The following DEPDC5 variants were observed in gnomAD, a reference collection of about 807,000 sequenced individuals.
DEPDC5 encodes the protein GATOR1 complex protein DEPDC5.
In DEPDC5, 73 loss-of-function variants were observed where a neutral mutation model predicts 217.3. The observed-to-expected ratio is 0.34, with a 90% confidence interval of 0.28 to 0.41. The LOEUF (loss-of-function observed/expected upper bound fraction) is 0.41, where lower values mean the gene tolerates loss of function less well. Ranked by LOEUF, DEPDC5 falls within the 10% of genes least tolerant of loss-of-function variation. The pLI is 1.00. For synonymous variants in DEPDC5, 733 were observed against 756.7 expected, an observed-to-expected ratio of 0.97 and a Z score of 0.51; for missense variants, 1,675 against 2,070.1, an observed-to-expected ratio of 0.81 and a Z score of 3.70.
At chr22:31,863,942 TATATC>T (rs1179546205) in intron 33 of DEPDC5, among the ~76,000 whole-genome samples, 1 of 151,680 alleles carries the variant, frequency 6.6e-6, no homozygotes, top group Non-Finnish European at 1.5e-5. Flanking sequence ...AAAAAAAAAT[TATATC>T]AGAAGTAGTA....
rs532888204 is a variant in DEPDC5 at position 31,877,166 on chromosome 22, C to T, written c.3805+901C>T. Among the ~76,000 whole-genome samples the T allele has an allele frequency of 8.1e-4, 123 of 151,400 alleles. 1 individual carries two copies. Among genetic ancestry groups the T allele is most frequent in the Non-Finnish European group, 2.5e-4 (17 of 67,864 alleles). ...AAAAACAACAGCCGGCTGGGCACTG[C>T]GGCTCACGCCTATAATCCTAGCACT... On this transcript the variant is annotated intron_variant, in intron 37 of 42. Transcript: ENST00000651528.
At chr22:31,783,749 A>G (rs150240681) in intron 8 of DEPDC5, among the ~76,000 whole-genome samples, 158 bp from the exon 9 acceptor site, 240 of 152,360 alleles carry the variant, frequency 1.6e-3, no homozygotes, top group African/African-American at 5.0e-3. Context: ...TAAAAAGCCT[A>G]TCATAAAATT....
rs189008501 is a variant in DEPDC5 at position 31,756,255 on chromosome 22, G to A, written c.58+1276G>A. On this transcript the variant is annotated intron_variant, in intron 2 of 42. Transcript: ENST00000651528. ...GTAGGTATAAGCCTCCAGAGGGGAAGGACTGCCAAAAAGGGAAAACAATAG... is the reference window on the plus strand; with the variant it reads ...GTAGGTATAAGCCTCCAGAGGGGAAAGACTGCCAAAAAGGGAAAACAATAG... 4.3e-3 allele frequency among the ~76,000 whole-genome samples: 653 copies of A among 152,094 alleles called. 1 individual carries two copies. The highest frequency in any genetic ancestry group is 0.013 in the African/African-American group (548 of 41,492).
chr22:31,886,628 C>T (rs1276536762), intron 38 of DEPDC5, among the ~76,000 whole-genome samples: 1 of 149,792 alleles, frequency 6.7e-6, no homozygotes, highest in Non-Finnish European at 1.5e-5. Context: ...GGTGTGGTGG[C>T]ATGCACCTGT....
chr22:31,792,138 G>C (rs1382380726), intron 11 of DEPDC5, 36 bp downstream of exon 11: 1 of 1,505,466 alleles, frequency 6.6e-7, no homozygotes, highest in Non-Finnish European at 9.2e-7. Context: ...TTATGTTTTT[G>C]TTAAGCTTCC....
intron 7 of DEPDC5, among the ~76,000 whole-genome samples, chr22:31,770,396 T>C (rs922369427): frequency 1.3e-5 from 2 of 151,888 alleles, no homozygotes; most frequent in South Asian, 4.2e-4. Context: ...TTTTTTTTTT[T>C]CTGAGACAGA....
chr22:31,810,757 C>T lies in DEPDC5; in HGVS notation c.1445+116C>T, dbSNP rs534198790. ...AATCTTGTTTTGTTTTGTTTTGTTT[C>T]GTTTTGGTTTTTTGTTTGTTTTGTT... On this transcript the variant is annotated intron_variant, in intron 20 of 42. Transcript: ENST00000651528. The T allele has an allele frequency of 3.9e-4, 589 of 1,506,796 alleles. 3 individuals carry two copies. Among genetic ancestry groups the T allele is most frequent in the Middle Eastern group, 5.5e-4 (3 of 5,462 alleles). The allele number at this position is 1,506,796 out of a possible 1,614,324, so 93.3% of individuals were successfully genotyped here.
chr22:31,901,763 G>T lies in DEPDC5; in HGVS notation c.4397G>T (p.Trp1466Leu). ...TCAGGCTTTGAACCCGAAACGTACT[G>T]GGATCGAATGCACCTCTTCCAGGAA... is the stretch of plus-strand genomic sequence containing the variant. ...LFDSFEPETYWDRMHLFQEAI... is the reference protein window; with the variant it reads ...LFDSFEPETYLDRMHLFQEAI... Residue 1466 changes from tryptophan to leucine, a missense_variant, in exon 41 of 43, where the codon TGG (tryptophan) becomes TTG (leucine). By Grantham distance (61) the Trp-to-Leu change is moderately conservative. This residue lies in a region of DEPDC5 where 182 missense variants were observed against 290.1 expected (regional missense o/e 0.63). Transcript: ENST00000651528. The T allele has an allele frequency of 6.2e-7, 1 of 1,613,442 alleles. No individual in the cohort carries two copies. The highest frequency in any genetic ancestry group is 1.1e-5 in the South Asian group (1 of 90,900).
intron 27 of DEPDC5, among the ~76,000 whole-genome samples, chr22:31,840,340 T>G (rs967118327): frequency 6.6e-5 from 10 of 152,282 alleles, no homozygotes; most frequent in Admixed American, 3.3e-4. Context: ...GCAAAGGCTC[T>G]GTGGCAGAAA....
At position 31,881,519 on chromosome 22, in the gene DEPDC5, C is replaced by T. The variant is rs375280362; in HGVS notation, c.4033+1767C>T. On this transcript the variant is annotated intron_variant, in intron 38 of 42. Coordinates refer to ENST00000651528, the MANE Select transcript of DEPDC5 (RefSeq NM_001242896.3). ...GACGTTTTTTTGGGATTAAAGAAGC[C>T]GTATACCCGTTACCCTGGGGTGCTC... 9.2e-5 allele frequency among the ~76,000 whole-genome samples: 14 copies of T among 152,140 alleles called. No homozygotes were observed. In the South Asian group the frequency reaches 2.1e-3, roughly 23 times the overall value.
At chr22:31,778,232 T>TCAAAAATAAAA in intron 8 of DEPDC5, 64 bp downstream of exon 8, 2 of 1,536,178 alleles carry the variant, frequency 1.3e-6, no homozygotes, top group Non-Finnish European at 1.8e-6. Flanking sequence ...AGTCCTAAAA[T>TCAAAAATAAAA]CAAAAATAAA....
chr22:31,840,081 G>A (rs913662386), intron 27 of DEPDC5, among the ~76,000 whole-genome samples: 4 of 152,186 alleles, frequency 2.6e-5, no homozygotes, highest in Non-Finnish European at 5.9e-5. Flanking sequence ...AGCCCAGTCA[G>A]GGAAAATAAC....
At chr22:31,799,799 CTTTTTTTTTTTT>C (rs1158355451) in intron 14 of DEPDC5, among the ~76,000 whole-genome samples, 1 of 72,924 alleles carries the variant, frequency 1.4e-5, no homozygotes, top group Non-Finnish European at 2.5e-5. Context: ...CATGCCCGGC[CTTTTTTTTTTTT>C]TTTTTTTTTT....
chr22:31,806,598 GT>G (rs1245460003), intron 18 of DEPDC5, among the ~76,000 whole-genome samples: 4 of 152,216 alleles, frequency 2.6e-5, no homozygotes, highest in African/African-American at 9.6e-5. Flanking sequence ...TGACCTGACT[GT>G]TTTATTCAGA....
At chr22:31,820,222 C>T (rs1398216446) in intron 22 of DEPDC5, among the ~76,000 whole-genome samples, 1 of 152,132 alleles carries the variant, frequency 6.6e-6, no homozygotes, top group Non-Finnish European at 1.5e-5. Flanking sequence ...AACAATTCTT[C>T]TGCCTCAGCC....
At chr22:31,848,981 A>G (rs1407983593) in intron 31 of DEPDC5, among the ~76,000 whole-genome samples, 1 of 152,192 alleles carries the variant, frequency 6.6e-6, no homozygotes, top group South Asian at 2.1e-4. Context: ...AGTTCCCAAC[A>G]AGTTGCCCAT....
chr22:31,755,896 CAG>C lies in DEPDC5; in HGVS notation c.58+920_58+921del, dbSNP rs976339689. 4.0e-5 allele frequency among the ~76,000 whole-genome samples: 6 copies of C among 151,064 alleles called. No individual in the cohort carries two copies. In the East Asian group the frequency reaches 9.7e-4, roughly 24 times the overall value. ...ATTTATTGGCATTTTTTTTTTGAGA[CAG>C]AGTCTCGCTCTGTCACCAGGCTGGA... is the stretch of plus-strand genomic sequence containing the variant. On this transcript the variant is annotated intron_variant, in intron 2 of 42. Transcript: ENST00000651528.
chr22:31,814,834 G>T, intron 20 of DEPDC5, 158 bp from the exon 21 acceptor site: 1 of 667,480 alleles, frequency 1.5e-6, no homozygotes, highest in Non-Finnish European at 2.6e-6. Context: ...AAGCTGTTAA[G>T]GGTGAAGTAC....
chr22:31,806,219 G>T (rs779806141), intron 18 of DEPDC5, 28 bp downstream of exon 18: 2 of 1,587,962 alleles, frequency 1.3e-6, no homozygotes, highest in South Asian at 1.1e-5. Flanking sequence ...TTAAGACGGG[G>T]TCTTATTATG....
Sources: gnomAD v4.1 joint callset for allele counts (sites outside exome capture counted in the v4.1 genomes callset) on GRCh38, gnomAD v4.1.1 for gene constraint, gnomAD v4.1.1 regional missense constraint, MANE v1.5 for transcripts, NCBI Gene and HGNC (gene_info 2026-07-23, HGNC 2026-07-21) for gene names.